The following DDX55 variants were observed in gnomAD, a reference collection of about 807,000 sequenced individuals.
DDX55 encodes ATP-dependent RNA helicase DDX55.
In DDX55, 56 loss-of-function variants were observed where a neutral mutation model predicts 69.2. The observed-to-expected ratio is 0.81, with a 90% CI of 0.65 to 1.01. The LOEUF is 1.01. DDX55 is among the 50% of genes least tolerant of loss of function. The probability of loss-of-function intolerance (pLI) is 0.00; values close to 1 mark genes in which losing one functional copy is unlikely to be tolerated. For missense variants in DDX55, 720 were observed against 745.1 expected (o/e 0.97, Z 0.39); for synonymous variants, 268 against 273.1 (o/e 0.98, Z 0.18).
rs148824955 is a variant in DDX55 at position 123,602,117 on chromosome 12, C to G, written c.-32C>G. The G allele has an allele frequency of 0.016, 24,691 of 1,528,868 alleles. 234 individuals are homozygous for G. The highest frequency in any genetic ancestry group is 0.019 in the Non-Finnish European group (21,592 of 1,135,230). The allele number at this position is 1,528,868 out of a possible 1,614,324, so 94.7% of individuals were successfully genotyped here. A position where few individuals can be genotyped will look rare whatever the true frequency, so the allele number is the denominator to read the frequency against. ...TGGGGGTGCACAAGGCGCGTTCGAG[C>G]AGCGGCGACCGACGCGGCGAAGGAG... On this transcript the variant is annotated 5_prime_UTR_variant, in exon 1 of 14. Transcript: ENST00000238146.
At position 123,620,628 on chromosome 12, in the gene DDX55, A is replaced by AT. The variant is rs1955073997; in HGVS notation, c.*488_*489insT. The AT allele has an allele frequency of 5.4e-4, 50 of 93,018 alleles. 2 individuals carry two copies. Among genetic ancestry groups the AT allele is most frequent in the African/African-American group, 1.5e-3 (38 of 24,838 alleles). The allele number at this position is 93,018 out of a possible 1,614,324, so 5.8% of individuals were successfully genotyped here. On this transcript the variant is annotated 3_prime_UTR_variant, in exon 14 of 14. Coordinates refer to ENST00000238146, the MANE Select transcript of DDX55 (RefSeq NM_020936.3). ...TATATATATATATATATATATATAT[A>AT]AGCTCTTTTTTCTGAGGCTATTTTA...
intron 7 of DDX55, 109 bp downstream of exon 7, chr12:123,610,237 A>G (rs1954129590): frequency 7.2e-7 from 1 of 1,381,334 alleles, no homozygotes; most frequent in Non-Finnish European, 9.7e-7. Context: ...TATGAAATGC[A>G]TTTGGGGACA....
At chr12:123,619,079 T>C (rs529204240) in intron 12 of DDX55, among the ~76,000 whole-genome samples, 1 of 152,286 alleles carries the variant, frequency 6.6e-6, no homozygotes, top group Non-Finnish European at 1.5e-5. Context: ...CTCGGCTCAC[T>C]GTAAGCTCTG....
rs1013410551 is a variant in DDX55 at position 123,618,786 on chromosome 12, T to C, written c.1282T>C (p.Tyr428His). 1 of 1,614,224 alleles carries C rather than the reference T, an allele frequency of 6.2e-7. No individual in the cohort carries two copies. Among genetic ancestry groups the C allele is most frequent in the Non-Finnish European group, 8.5e-7 (1 of 1,180,048 alleles). ...FEKGMKAFVS[Y>H]VQAYAKHECN... ...AAAGGGCATGAAAGCTTTTGTGTCA[T>C]ATGTCCAAGCTTATGCAAAGCATGA... Residue 428 changes from tyrosine to histidine, a missense_variant, in exon 12 of 14, where the codon TAT (tyrosine) becomes CAT (histidine). By Grantham distance (83) the Tyr-to-His change is moderately conservative. Transcript: ENST00000238146.
At chr12:123,613,716 G>T (rs1954441929) in intron 8 of DDX55, among the ~76,000 whole-genome samples, 1 of 152,174 alleles carries the variant, frequency 6.6e-6, no homozygotes, top group Admixed American at 6.6e-5. Flanking sequence ...TCATCTTAGG[G>T]GCCAAAAGTG....
At chr12:123,608,558 C>T in intron 5 of DDX55, 122 bp from the exon 6 acceptor site, 1 of 1,195,452 alleles carries the variant, frequency 8.4e-7, no homozygotes, top group Non-Finnish European at 1.2e-6. Context: ...CTCTCATGCT[C>T]TTCGTTCTCT....
chr12:123,617,711 TC>T (rs1954782680), intron 10 of DDX55, 46 bp from the exon 11 acceptor site: 1 of 1,537,862 alleles, frequency 6.5e-7, no homozygotes, highest in East Asian at 2.3e-5. Flanking sequence ...TGAGCTCTGT[TC>T]AGCTGTCATC....
At chr12:123,619,903 G>C in intron 13 of DDX55, 61 bp from the exon 14 acceptor site, 1 of 1,553,460 alleles carries the variant, frequency 6.4e-7, no homozygotes, top group South Asian at 1.3e-5. Context: ...TAAAACTGCT[G>C]GTTTCACTAC....
At chr12:123,618,976 G>A in intron 12 of DDX55, 139 bp downstream of exon 12, 7 of 1,281,928 alleles carry the variant, frequency 5.5e-6, no homozygotes, top group South Asian at 1.5e-5. Context: ...ACTGGCTGCT[G>A]AGTATTCCTT....
At chr12:123,611,760 A>G (rs1038867996) in intron 7 of DDX55, among the ~76,000 whole-genome samples, 10 of 152,142 alleles carry the variant, frequency 6.6e-5, no homozygotes, top group Admixed American at 5.2e-4. Flanking sequence ...TGTAGTTGCC[A>G]TTGATGTTTC....
chr12:123,608,619 A>G, intron 5 of DDX55, 61 bp from the exon 6 acceptor site: 1 of 1,583,294 alleles, frequency 6.3e-7, no homozygotes. Context: ...GTATTTTGGT[A>G]ATCATCAACC....
chr12:123,612,126 G>A (rs4040225), intron 7 of DDX55, among the ~76,000 whole-genome samples: 81,682 of 152,096 alleles, frequency 0.54, 25,873 homozygotes, highest in African/African-American at 0.88. Flanking sequence ...ATGATGCTGA[G>A]AGGAAATACT....
Position 123,615,130 on chromosome 12 carries a change from G to C in DDX55, c.825-55G>C, listed in dbSNP as rs929894768. 26 of 1,606,782 alleles carry C rather than the reference G, an allele frequency of 1.6e-5. No homozygotes were observed. In the African/African-American group the frequency reaches 2.5e-4, roughly 16 times the overall value. On this transcript the variant is annotated intron_variant, in intron 8 of 13. Transcript: ENST00000238146. ...CTATTGCTCACTGTTCCCCTCTCCC[G>C]GTTGTAGAAGGACCAAAGTGGCCAA...
rs1345381521 is a variant in DDX55, at chr12:123,619,705, AGAAAAG to A, written c.1615_1620del (p.Lys539_Arg540del). 1 of 1,574,836 alleles carries A rather than the reference AGAAAAG, an allele frequency of 6.3e-7. No individual in the cohort carries two copies. The highest frequency in any genetic ancestry group is 1.2e-5 in the South Asian group (1 of 83,518). On this transcript the variant is annotated inframe_deletion, in exon 13 of 14. Coordinates refer to ENST00000238146, the MANE Select transcript of DDX55 (RefSeq NM_020936.3). ...AAAGAAAAGAAGAAAAAAATGAATG[AGAAAAG>A]GAAAAGGGAAGAGGTAAAGTTTACT...
At chr12:123,615,342 A>G (rs1222403063) in intron 9 of DDX55, 26 bp downstream of exon 9, 1 of 1,610,996 alleles carries the variant, frequency 6.2e-7, no homozygotes, top group African/African-American at 1.3e-5. Flanking sequence ...TGAAGGTAGC[A>G]GCTCTCCTGC....
At chr12:123,614,720 G>A (rs565168412) in intron 8 of DDX55, among the ~76,000 whole-genome samples, 1 of 152,298 alleles carries the variant, frequency 6.6e-6, no homozygotes, top group South Asian at 2.1e-4. Flanking sequence ...TGGGAGAAGG[G>A]ATCTGACTGG....
intron 9 of DDX55, among the ~76,000 whole-genome samples, 165 bp from the exon 10 acceptor site, chr12:123,616,346 C>T (rs1464853285): frequency 6.6e-6 from 1 of 151,978 alleles, no homozygotes; most frequent in African/African-American, 2.4e-5. Context: ...TTATGAAGTC[C>T]CAGAGATTTG....
chr12:123,606,394 A>G (rs554974269), intron 3 of DDX55, among the ~76,000 whole-genome samples: 2 of 152,072 alleles, frequency 1.3e-5, no homozygotes, highest in Non-Finnish European at 2.9e-5. Flanking sequence ...ACTTGAAAAA[A>G]AAAGACAGTT....
At chr12:123,617,682 C>A in intron 10 of DDX55, 76 bp from the exon 11 acceptor site, 1 of 1,343,190 alleles carries the variant, frequency 7.4e-7, no homozygotes. Flanking sequence ...TTAGCTGCAG[C>A]AGCCATGTGG....
Sources: allele counts gnomAD v4.1 joint callset (sites outside exome capture counted in the v4.1 genomes callset), GRCh38; gene constraint gnomAD v4.1.1; transcripts MANE v1.5; gene names NCBI Gene and HGNC (gene_info 2026-07-23, HGNC 2026-07-21).